Variants in ARHGAP42 observed in about 807,000 individuals in gnomAD.
ARHGAP42 encodes Rho GTPase activating protein 42.
Under a neutral mutation model 125.0 loss-of-function variants are expected in ARHGAP42, and 63 were observed. The observed-to-expected ratio is 0.50, with a 90% CI of 0.41 to 0.62. The LOEUF (loss-of-function observed/expected upper bound fraction) is 0.62, where lower values mean the gene tolerates loss of function less well. ARHGAP42 is among the 20% of genes least tolerant of loss of function. The pLI, the probability that ARHGAP42 is intolerant of heterozygous loss-of-function variation, is 0.00. For synonymous variants in ARHGAP42, 339 were observed against 351.0 expected (o/e 0.97, Z 0.38); for missense variants, 766 against 1,024.2 (o/e 0.75, Z 3.44).
intron 5 of ARHGAP42, among the ~76,000 whole-genome samples, chr11:100,913,897 G>A (rs969229326): frequency 7.9e-5 from 12 of 152,226 alleles, no homozygotes; most frequent in Admixed American, 2.0e-4. Context: ...TTGCTTCAGC[G>A]TTGTGGGAAA....
intron 8 of ARHGAP42, among the ~76,000 whole-genome samples, 161 bp from the exon 9 acceptor site, chr11:100,941,611 CACTCTACCCTAT>C (rs370937549): frequency 0.88 from 134,071 of 151,992 alleles, 59,224 homozygotes; most frequent in East Asian, 1. Flanking sequence ...GATTCTAAGA[CACTCTACCCTAT>C]ACCGCTGTCC....
chr11:100,823,301 C>T (rs1864444574), intron 3 of ARHGAP42, among the ~76,000 whole-genome samples: 1 of 152,136 alleles, frequency 6.6e-6, no homozygotes, highest in Non-Finnish European at 1.5e-5. Flanking sequence ...AAAGATCGTG[C>T]CCTGGAAGAC....
chr11:100,884,674 C>T (rs955944809), intron 4 of ARHGAP42, among the ~76,000 whole-genome samples: 2 of 152,120 alleles, frequency 1.3e-5, no homozygotes, highest in African/African-American at 4.8e-5. Context: ...CTCCTGCCTC[C>T]GTGTCCCCCC....
At chr11:100,860,931 A>T (rs905335976) in intron 4 of ARHGAP42, among the ~76,000 whole-genome samples, 1 of 152,216 alleles carries the variant, frequency 6.6e-6, no homozygotes, top group African/African-American at 2.4e-5. Flanking sequence ...CGTGACATGC[A>T]TGGTGTTTGA....
intron 3 of ARHGAP42, among the ~76,000 whole-genome samples, chr11:100,797,980 C>T: frequency 6.6e-6 from 1 of 152,064 alleles, no homozygotes; most frequent in African/African-American, 2.4e-5. Context: ...TGGAGAGGTT[C>T]AAGACTCAGT....
chr11:100,886,919 GA>G (rs1866105722), intron 4 of ARHGAP42, among the ~76,000 whole-genome samples: 1 of 152,124 alleles, frequency 6.6e-6, no homozygotes, highest in Non-Finnish European at 1.5e-5. Flanking sequence ...TAGTTTAAAA[GA>G]AAAACACTAG....
chr11:100,700,166 G>T (rs545193136), intron 1 of ARHGAP42, among the ~76,000 whole-genome samples: 1 of 152,202 alleles, frequency 6.6e-6, no homozygotes, highest in Non-Finnish European at 1.5e-5. Flanking sequence ...ACTATACATA[G>T]TCTATTAAAT....
chr11:100,939,856 C>T (rs545530883), intron 8 of ARHGAP42, among the ~76,000 whole-genome samples: 4 of 151,932 alleles, frequency 2.6e-5, no homozygotes, highest in Non-Finnish European at 2.9e-5. Context: ...CAGATGGAGG[C>T]GGGAAAAAGG....
chr11:100,856,958 T>C (rs1488166372), intron 3 of ARHGAP42, among the ~76,000 whole-genome samples: 1 of 152,100 alleles, frequency 6.6e-6, no homozygotes, highest in East Asian at 1.9e-4. Flanking sequence ...CAAATGAAGC[T>C]GAATCTGTCT....
intron 23 of ARHGAP42, among the ~76,000 whole-genome samples, chr11:100,987,806 A>AAAATAAATAAATAAATAAAT (rs5794089): frequency 3.7e-4 from 53 of 142,544 alleles, no homozygotes; most frequent in South Asian, 9.6e-4. Context: ...CCCAACCCAC[A>AAAATAAATAAATAAATAAAT]AAATAAATAA....
At chr11:100,850,699 CTT>C (rs1043073909) in intron 3 of ARHGAP42, among the ~76,000 whole-genome samples, 11 of 152,052 alleles carry the variant, frequency 7.2e-5, no homozygotes. Context: ...TTAAATATGT[CTT>C]TTCCAATATT....
intron 3 of ARHGAP42, among the ~76,000 whole-genome samples, chr11:100,800,461 A>C (rs630425): frequency 0.2 from 30,600 of 151,984 alleles, 3,813 homozygotes; most frequent in African/African-American, 0.35. Flanking sequence ...GAATCCAGAA[A>C]GCTGAGCTCA....
At chr11:100,743,486 ACT>A (rs966663167) in intron 1 of ARHGAP42, among the ~76,000 whole-genome samples, 1 of 152,056 alleles carries the variant, frequency 6.6e-6, no homozygotes, top group African/African-American at 2.4e-5. Flanking sequence ...TTATCTCACC[ACT>A]CTCAGAATGC....
chr11:100,917,889 A>G (rs1024699984), intron 5 of ARHGAP42, among the ~76,000 whole-genome samples: 1 of 152,006 alleles, frequency 6.6e-6, no homozygotes, highest in Non-Finnish European at 1.5e-5. Context: ...ATTTTTTTGT[A>G]TCAAATTTAT....
At chr11:100,709,196 C>CGCCCAGCT in intron 1 of ARHGAP42, among the ~76,000 whole-genome samples, 1 of 152,124 alleles carries the variant, frequency 6.6e-6, no homozygotes, top group Non-Finnish European at 1.5e-5. Context: ...CATGTCACTA[C>CGCCCAGCT]GCCCAGCTAA....
At chr11:100,970,339 G>T (rs189585614) in intron 17 of ARHGAP42, among the ~76,000 whole-genome samples, 1 of 152,182 alleles carries the variant, frequency 6.6e-6, no homozygotes, top group Admixed American at 6.5e-5. Context: ...TTCCCCCTCT[G>T]TGTGAAGCCT....
At chr11:100,879,723 A>G (rs1337486252) in intron 4 of ARHGAP42, among the ~76,000 whole-genome samples, 1 of 152,074 alleles carries the variant, frequency 6.6e-6, no homozygotes, top group Non-Finnish European at 1.5e-5. Flanking sequence ...CACTGTCCCT[A>G]ATCACCACTG....
At chr11:100,926,651 T>C (rs1283552735) in intron 6 of ARHGAP42, among the ~76,000 whole-genome samples, 4 of 152,196 alleles carry the variant, frequency 2.6e-5, no homozygotes, top group African/African-American at 9.7e-5. Flanking sequence ...TTTATCTGTA[T>C]GTTGAAGACA....
chr11:100,986,405 G>C (rs1858679137), intron 22 of ARHGAP42: 1 of 261,234 alleles, frequency 3.8e-6, no homozygotes, highest in Non-Finnish European at 7.4e-6. Context: ...ATTGTGACTG[G>C]AGTAGAGTAG....
Sources: allele counts gnomAD v4.1 joint callset (sites outside exome capture counted in the v4.1 genomes callset), GRCh38; gene constraint gnomAD v4.1.1; transcripts MANE v1.5; gene names NCBI Gene and HGNC (gene_info 2026-07-23, HGNC 2026-07-21).